Variants in GALNTL6 observed in about 807,000 individuals in gnomAD.
The protein encoded by GALNTL6 is polypeptide N-acetylgalactosaminyltransferase like 6, also known as polypeptide N-acetylgalactosaminyltransferase-like 6.
GALNTL6 carries 46 observed loss-of-function variants against 73.7 expected under a neutral mutation model. That is an observed-to-expected ratio of 0.62 (90% CI 0.49 to 0.80). The LOEUF (loss-of-function observed/expected upper bound fraction) is 0.80. GALNTL6 is among the 30% of genes least tolerant of loss of function. The pLI is 0.00. For missense variants in GALNTL6, 604 were observed against 755.0 expected (o/e 0.80, Z 2.34); for synonymous variants, 259 against 263.7 (o/e 0.98, Z 0.17).
At chr4:171,979,335 A>G (rs985280994) in intron 2 of GALNTL6, among the ~76,000 whole-genome samples, 1 of 152,202 alleles carries the variant, frequency 6.6e-6, no homozygotes, top group African/African-American at 2.4e-5. Context: ...CTTTGAGTAT[A>G]CTTACTTCAT....
At chr4:172,578,583 T>A (rs570817637) in intron 5 of GALNTL6, among the ~76,000 whole-genome samples, 1 of 152,342 alleles carries the variant, frequency 6.6e-6, no homozygotes, top group Admixed American at 6.5e-5. Context: ...TTGGGTGTTG[T>A]TTATATGAGA....
At chr4:171,930,482 T>C (rs1481269508) in intron 2 of GALNTL6, among the ~76,000 whole-genome samples, 1 of 152,134 alleles carries the variant, frequency 6.6e-6, no homozygotes, top group Non-Finnish European at 1.5e-5. Flanking sequence ...AAGCCATATA[T>C]GGCAAACCTA....
chr4:172,741,300 G>A (rs548097479), intron 5 of GALNTL6, among the ~76,000 whole-genome samples: 9 of 152,168 alleles, frequency 5.9e-5, no homozygotes, highest in Admixed American at 2.0e-4. Flanking sequence ...TTAAGAAGCC[G>A]GAAGCTGGAA....
intron 2 of GALNTL6, among the ~76,000 whole-genome samples, chr4:172,114,959 T>TA (rs1732948148): frequency 2.0e-5 from 3 of 152,078 alleles, no homozygotes; most frequent in East Asian, 3.9e-4. Context: ...CCCTCCCTGC[T>TA]AAAAAAAGAA....
intron 5 of GALNTL6, among the ~76,000 whole-genome samples, chr4:172,702,156 A>G (rs933661973): frequency 1.3e-5 from 2 of 152,106 alleles, no homozygotes; most frequent in East Asian, 3.8e-4. Flanking sequence ...TGTCTTAGCA[A>G]TTCTTGATCT....
intron 2 of GALNTL6, among the ~76,000 whole-genome samples, chr4:171,848,754 G>A (rs1735443607): frequency 6.6e-6 from 1 of 152,162 alleles, no homozygotes; most frequent in Non-Finnish European, 1.5e-5. Flanking sequence ...TAGCATTGTA[G>A]AGAGCTAAGG....
chr4:172,522,413 G>A (rs997654980), intron 5 of GALNTL6, among the ~76,000 whole-genome samples: 1 of 152,148 alleles, frequency 6.6e-6, no homozygotes, highest in African/African-American at 2.4e-5. Flanking sequence ...GCTTACACGT[G>A]TAATCCCAGC....
intron 7 of GALNTL6, among the ~76,000 whole-genome samples, chr4:172,814,170 C>A (rs754424467): frequency 3.3e-5 from 5 of 152,048 alleles, no homozygotes; most frequent in Non-Finnish European, 5.9e-5. Context: ...AATTGTGTAC[C>A]TATAACGGAA....
intron 12 of GALNTL6, among the ~76,000 whole-genome samples, chr4:173,025,224 G>A (rs1753184648): frequency 6.6e-6 from 1 of 152,208 alleles, no homozygotes; most frequent in Non-Finnish European, 1.5e-5. Context: ...AGGCACCCAG[G>A]AAGAGGAATC....
At chr4:172,515,004 C>G (rs1223381731) in intron 5 of GALNTL6, among the ~76,000 whole-genome samples, 1 of 152,144 alleles carries the variant, frequency 6.6e-6, no homozygotes, top group Non-Finnish European at 1.5e-5. Context: ...GGTCTGAATT[C>G]TTTTGGTTTT....
chr4:172,377,103 T>A (rs538891943), intron 5 of GALNTL6, among the ~76,000 whole-genome samples: 1 of 152,128 alleles, frequency 6.6e-6, no homozygotes, highest in Non-Finnish European at 1.5e-5. Flanking sequence ...CAGCCTGCGT[T>A]TATTCCCTTA....
intron 10 of GALNTL6, among the ~76,000 whole-genome samples, chr4:172,994,430 C>T (rs1198736980): frequency 6.6e-6 from 1 of 152,086 alleles, no homozygotes; most frequent in Non-Finnish European, 1.5e-5. Flanking sequence ...TTTACCACAC[C>T]TCAGCTGTGA....
chr4:172,300,005 G>A (rs979570301), intron 3 of GALNTL6, among the ~76,000 whole-genome samples: 2 of 152,154 alleles, frequency 1.3e-5, no homozygotes, highest in Admixed American at 6.5e-5. Flanking sequence ...GGGAGTCTAA[G>A]TCTCTTTGTA....
At chr4:172,606,047 C>A (rs1738244149) in intron 5 of GALNTL6, among the ~76,000 whole-genome samples, 1 of 151,990 alleles carries the variant, frequency 6.6e-6, no homozygotes, top group African/African-American at 2.4e-5. Flanking sequence ...TAGCCAAGAC[C>A]CTGTGCAGGT....
At chr4:172,712,730 T>C (rs1398152878) in intron 5 of GALNTL6, among the ~76,000 whole-genome samples, 1 of 152,232 alleles carries the variant, frequency 6.6e-6, no homozygotes, top group East Asian at 1.9e-4. Context: ...AGTTACATTA[T>C]GTATGCTTGT....
chr4:172,183,635 G>T (rs1028570517), intron 2 of GALNTL6, among the ~76,000 whole-genome samples: 1 of 152,098 alleles, frequency 6.6e-6, no homozygotes, highest in African/African-American at 2.4e-5. Flanking sequence ...ACACTTTAGA[G>T]CTATCCTAGC....
intron 7 of GALNTL6, among the ~76,000 whole-genome samples, chr4:172,870,096 G>A (rs891103226): frequency 6.8e-6 from 1 of 147,376 alleles, no homozygotes; most frequent in African/African-American, 2.5e-5. Context: ...TCATCATCAG[G>A]TGTTTATAAA....
At chr4:172,675,178 T>C (rs1732212299) in intron 5 of GALNTL6, among the ~76,000 whole-genome samples, 1 of 151,784 alleles carries the variant, frequency 6.6e-6, no homozygotes, top group Admixed American at 6.6e-5. Context: ...ATCTTGAGGG[T>C]TTGATTGTAG....
intron 3 of GALNTL6, among the ~76,000 whole-genome samples, chr4:172,310,042 C>T (rs1281314910): frequency 3.9e-5 from 6 of 152,102 alleles, no homozygotes; most frequent in Admixed American, 1.3e-4. Context: ...TCCAGAAAGG[C>T]CAGTTTATTA....
Sources: allele counts gnomAD v4.1 joint callset (sites outside exome capture counted in the v4.1 genomes callset), GRCh38; gene constraint gnomAD v4.1.1; transcripts MANE v1.5; gene names NCBI Gene and HGNC (gene_info 2026-07-23, HGNC 2026-07-21).